The following TMEM132B variants were observed in gnomAD, a reference collection of about 807,000 sequenced individuals.
TMEM132B encodes the protein transmembrane protein 132B.
A neutral mutation model predicts 90.8 loss-of-function variants in TMEM132B; 18 were observed. That is an observed-to-expected ratio of 0.20 (90% confidence interval 0.14 to 0.29). TMEM132B has a LOEUF of 0.29. Ranked by LOEUF, TMEM132B falls within the 10% of genes least tolerant of loss-of-function variation. The probability of loss-of-function intolerance (pLI) is 1.00; values close to 1 mark genes in which losing one functional copy is unlikely to be tolerated. For synonymous variants in TMEM132B, 504 were observed against 523.3 expected (o/e 0.96, Z 0.50); for missense variants, 1,096 against 1,326.8 (o/e 0.83, Z 2.70).
chr12:125,639,904 C>G (rs1886584598), intron 5 of TMEM132B, among the ~76,000 whole-genome samples: 1 of 152,148 alleles, frequency 6.6e-6, no homozygotes, highest in African/African-American at 2.4e-5. Context: ...ATGGCTTTAG[C>G]CACAAGAACG....
intron 1 of TMEM132B, among the ~76,000 whole-genome samples, chr12:125,225,812 T>C (rs1421683541): frequency 6.6e-6 from 1 of 152,154 alleles, no homozygotes; most frequent in Non-Finnish European, 1.5e-5. Flanking sequence ...ACCTCCTTCT[T>C]ACTTGCGTTC....
intron 1 of TMEM132B, among the ~76,000 whole-genome samples, chr12:125,317,091 C>A (rs448192): frequency 1.3e-5 from 2 of 151,926 alleles, no homozygotes; most frequent in Non-Finnish European, 2.9e-5. Flanking sequence ...GGACAGAACC[C>A]CTTGTTATCC....
chr12:125,411,367 G>A (rs906108621), intron 2 of TMEM132B, among the ~76,000 whole-genome samples: 2 of 76,480 alleles, frequency 2.6e-5, no homozygotes, highest in Admixed American at 1.3e-4. Context: ...TCAGAGGGTG[G>A]GGGGGGGCCT....
chr12:125,598,176 A>G (rs1261393100), intron 5 of TMEM132B, among the ~76,000 whole-genome samples: 1 of 152,182 alleles, frequency 6.6e-6, no homozygotes, highest in South Asian at 2.1e-4. Context: ...AACTGAAATC[A>G]TTGCCTTGAC....
intron 4 of TMEM132B, 96 bp from the exon 5 acceptor site, chr12:125,583,755 G>A: frequency 7.0e-7 from 1 of 1,427,526 alleles, no homozygotes; most frequent in African/African-American, 1.4e-5. Flanking sequence ...CGCAGAACGA[G>A]AATGAAGGCA....
intron 2 of TMEM132B, among the ~76,000 whole-genome samples, chr12:125,375,958 T>G (rs933631368): frequency 6.6e-6 from 1 of 152,244 alleles, no homozygotes. Context: ...ATAACTCAGA[T>G]GACTGTAGGT....
chr12:125,460,349 G>A lies in TMEM132B; in HGVS notation c.1106+44672G>A, dbSNP rs1459679162. Among the ~76,000 whole-genome samples, 1 of 152,020 alleles carries A rather than the reference G, an allele frequency of 6.6e-6. No individual in the cohort carries two copies. The highest frequency in any genetic ancestry group is 1.5e-5 in the Non-Finnish European group (1 of 67,994). On this transcript the variant is annotated intron_variant, in intron 3 of 8. Coordinates refer to ENST00000682704, the MANE Select transcript of TMEM132B (RefSeq NM_001366854.1). The surrounding 1 kb of genome is among the most constrained non-coding windows in gnomAD (Gnocchi z 4.4). Reference sequence around the variant, plus strand: ...CTACTGAAAAATACAAGAATTAGCTGGGCATGGTGGTGGGCGCCTGTAATC... The same window carrying A: ...CTACTGAAAAATACAAGAATTAGCTAGGCATGGTGGTGGGCGCCTGTAATC...
rs374892074 is a variant in TMEM132B, at chr12:125,349,972, C to G, written c.588C>G (p.Pro196=). 1 of 1,614,164 alleles carries G rather than the reference C, an allele frequency of 6.2e-7. No homozygotes were observed. The change falls in exon 2 of 9, where the codon CCC becomes CCG. Residue 196 remains proline, a synonymous_variant. Transcript: ENST00000682704. The surrounding 1 kb of genome is among the most constrained non-coding windows in gnomAD (Gnocchi z 4.1). ...GLCVAELELL[P]EWFSSGLDLE... ...GTGTGGCTGAGCTGGAGCTGCTGCC[C>G]GAGTGGTTCAGCTCAGGCCTGGACC...
intron 3 of TMEM132B, among the ~76,000 whole-genome samples, chr12:125,431,993 C>G (rs1449072711): frequency 1.3e-5 from 2 of 152,042 alleles, no homozygotes; most frequent in Non-Finnish European, 2.9e-5. Context: ...AAATAGGGGG[C>G]CGTGTTTTTA....
At chr12:125,256,992 A>T (rs556589702) in intron 1 of TMEM132B, among the ~76,000 whole-genome samples, 1 of 152,272 alleles carries the variant, frequency 6.6e-6, no homozygotes, top group East Asian at 1.9e-4. Context: ...CCTGGGATTT[A>T]TTAGAAATTG....
rs144225614 is a variant in TMEM132B at position 125,230,775 on chromosome 12, A to T, written c.67+43909A>T. ...CGCCTCGGCCTCGCAAAGTGCTGGG[A>T]TTACAGGCGTGAGCCACACATCTGT... On this transcript the variant is annotated intron_variant, in intron 1 of 8. Transcript: ENST00000682704. Among the ~76,000 whole-genome samples, 38 of 151,252 alleles carry T rather than the reference A, an allele frequency of 2.5e-4. 1 individual carries two copies. In the East Asian group the frequency reaches 7.4e-3, roughly 30 times the overall value.
chr12:125,307,458 A>G (rs759634431), intron 1 of TMEM132B, among the ~76,000 whole-genome samples: 1 of 152,170 alleles, frequency 6.6e-6, no homozygotes, highest in East Asian at 1.9e-4. Flanking sequence ...AAATAGGAAT[A>G]ATAATAGCAC....
chr12:125,397,228 C>A (rs1023062234), intron 2 of TMEM132B, among the ~76,000 whole-genome samples: 18 of 152,146 alleles, frequency 1.2e-4, no homozygotes, highest in Admixed American at 2.0e-4. Flanking sequence ...GCCTCAGCCT[C>A]CAGAAGTGCT....
chr12:125,521,541 A>T (rs1300354619), intron 4 of TMEM132B, among the ~76,000 whole-genome samples: 1 of 152,216 alleles, frequency 6.6e-6, no homozygotes, highest in Non-Finnish European at 1.5e-5. Context: ...AATGAAACAG[A>T]TGAGAAGCAG....
intron 1 of TMEM132B, among the ~76,000 whole-genome samples, chr12:125,201,855 T>G (rs1205025630): frequency 6.6e-6 from 1 of 152,216 alleles, no homozygotes; most frequent in African/African-American, 2.4e-5. Context: ...GTGAGTTCAG[T>G]GAACACCTAC....
At chr12:125,557,150 A>G (rs552928749) in intron 4 of TMEM132B, among the ~76,000 whole-genome samples, 9 of 152,280 alleles carry the variant, frequency 5.9e-5, no homozygotes, top group African/African-American at 2.2e-4. Flanking sequence ...ATGCTAATGT[A>G]TACACATATG....
At chr12:125,489,724 A>G (rs1054079690) in intron 3 of TMEM132B, among the ~76,000 whole-genome samples, 1 of 152,160 alleles carries the variant, frequency 6.6e-6, no homozygotes, top group African/African-American at 2.4e-5. Context: ...TAGTTTAAGT[A>G]TTATTATCAC....
chr12:125,245,592 C>T (rs968148697), intron 1 of TMEM132B, among the ~76,000 whole-genome samples: 6 of 152,144 alleles, frequency 3.9e-5, no homozygotes, highest in Non-Finnish European at 7.4e-5. Flanking sequence ...AGCAGCTGCT[C>T]CCCGGCAGGA....
intron 4 of TMEM132B, among the ~76,000 whole-genome samples, chr12:125,566,334 G>A (rs996032008): frequency 7.2e-5 from 11 of 152,174 alleles, no homozygotes; most frequent in African/African-American, 2.7e-4. Flanking sequence ...TCTGTTTCCT[G>A]TAAAATGCAG....
Sources: allele counts gnomAD v4.1 joint callset (sites outside exome capture counted in the v4.1 genomes callset), GRCh38; gene constraint gnomAD v4.1.1; non-coding constraint Gnocchi (gnomAD v3.1); transcripts MANE v1.5; gene names NCBI Gene and HGNC (gene_info 2026-07-23, HGNC 2026-07-21).